PLD1: variants seen among roughly 807,000 people sequenced by gnomAD.
The protein encoded by PLD1 is phospholipase D1, also known as choline phosphatase 1.
A neutral mutation model predicts 137.1 loss-of-function variants in PLD1; 112 were observed. The observed-to-expected ratio is 0.82, with a 90% CI of 0.70 to 0.96. The LOEUF is 0.96. Among genes scored for constraint, PLD1 ranks in the 40% least tolerant of loss-of-function variants. PLD1 has a pLI of 0.00. For missense variants in PLD1, 1,321 were observed against 1,342.0 expected (o/e 0.98, Z 0.24); for synonymous variants, 431 against 454.7 (o/e 0.95, Z 0.66).
chr3:171,634,471 C>A (rs1234046052), intron 23 of PLD1, among the ~76,000 whole-genome samples: 1 of 151,952 alleles, frequency 6.6e-6, no homozygotes, highest in African/African-American at 2.4e-5. Flanking sequence ...TCATTTTAGG[C>A]CATTAGAAAA....
intron 9 of PLD1, 41 bp downstream of exon 9, chr3:171,713,852 C>T: frequency 6.5e-7 from 1 of 1,535,116 alleles, no homozygotes; most frequent in African/African-American, 1.4e-5. Context: ...GTTTTTAAGG[C>T]ATTTTTGTAG....
chr3:171,686,482 G>A (rs1410083883), intron 16 of PLD1, among the ~76,000 whole-genome samples: 1 of 152,112 alleles, frequency 6.6e-6, no homozygotes, highest in Non-Finnish European at 1.5e-5. Flanking sequence ...GGTCTGTTTT[G>A]TCTTTGCTGC....
At chr3:171,616,887 G>C (rs1392209) in intron 24 of PLD1, among the ~76,000 whole-genome samples, 11,904 of 152,144 alleles carry the variant, frequency 0.078, 1,324 homozygotes, top group African/African-American at 0.25. Flanking sequence ...ACGAACGCAC[G>C]AACTCTACCC....
intron 1 of PLD1, among the ~76,000 whole-genome samples, chr3:171,807,623 T>C (rs1474948324): frequency 6.6e-6 from 1 of 152,220 alleles, no homozygotes; most frequent in East Asian, 1.9e-4. Flanking sequence ...ACACTGTCGG[T>C]TGGAACGTAA....
chr3:171,715,464 T>C (rs57090061), intron 8 of PLD1, among the ~76,000 whole-genome samples: 1 of 151,818 alleles, frequency 6.6e-6, no homozygotes, highest in Admixed American at 6.6e-5. Flanking sequence ...GGTCTTTTGT[T>C]GTTTTATGTG....
chr3:171,652,907 G>T (rs750936591), intron 21 of PLD1, among the ~76,000 whole-genome samples: 5 of 150,768 alleles, frequency 3.3e-5, no homozygotes, highest in Non-Finnish European at 5.9e-5. Flanking sequence ...AAGCCACAGT[G>T]CCCAGCTCAT....
At chr3:171,611,256 G>T (rs992547542) in intron 25 of PLD1, among the ~76,000 whole-genome samples, 1 of 152,226 alleles carries the variant, frequency 6.6e-6, no homozygotes, top group Non-Finnish European at 1.5e-5. Flanking sequence ...TGGGAGAGTA[G>T]TCAGGGTGTT....
At chr3:171,771,554 CA>C (rs551038135) in intron 1 of PLD1, among the ~76,000 whole-genome samples, 50 of 152,334 alleles carry the variant, frequency 3.3e-4, no homozygotes, top group South Asian at 1.7e-3. Flanking sequence ...AACCATAACA[CA>C]AACTTAAACA....
chr3:171,693,081 G>A (rs544638061), intron 12 of PLD1, among the ~76,000 whole-genome samples: 1 of 152,272 alleles, frequency 6.6e-6, no homozygotes, highest in Admixed American at 6.5e-5. Flanking sequence ...GGATCTAAAA[G>A]AAAATAGACA....
At chr3:171,669,335 T>C (rs904814565) in intron 19 of PLD1, among the ~76,000 whole-genome samples, 1 of 152,214 alleles carries the variant, frequency 6.6e-6, no homozygotes, top group Non-Finnish European at 1.5e-5. Flanking sequence ...ATTTATGGCA[T>C]AAAAATTTCT....
In PLD1 at chr3:171,699,030, C is replaced by T. The variant is rs562519379; in HGVS notation, c.1227+715G>A. 5.4e-5 allele frequency among the ~76,000 whole-genome samples: 8 copies of T among 148,756 alleles called. No homozygotes were observed. The South Asian group carries it at 1.7e-3, about 32-fold the overall frequency. ...GTTTCTGATAATAGCAAAAAGTTAG[C>T]ACTTCCTAATTTGGACATGCTAAAT... On this transcript the variant is annotated intron_variant, in intron 12 of 26. Transcript: ENST00000351298.
At chr3:171,666,464 T>C (rs1156697540) in intron 19 of PLD1, among the ~76,000 whole-genome samples, 1 of 152,220 alleles carries the variant, frequency 6.6e-6, no homozygotes, top group South Asian at 2.1e-4. Flanking sequence ...ACTGGGTCCC[T>C]CCCATGACAT....
chr3:171,708,974 C>T, intron 10 of PLD1, 136 bp from the exon 11 acceptor site: 1 of 597,412 alleles, frequency 1.7e-6, no homozygotes, highest in South Asian at 2.2e-5. Context: ...CTTTGTGGAC[C>T]TGGAAAACAA....
intron 23 of PLD1, among the ~76,000 whole-genome samples, chr3:171,629,561 C>G (rs1734470637): frequency 6.6e-6 from 1 of 152,136 alleles, no homozygotes; most frequent in African/African-American, 2.4e-5. Context: ...CCAAGTCAAT[C>G]CTAAGCCAAA....
chr3:171,659,849 T>A (rs1237252359), intron 20 of PLD1, among the ~76,000 whole-genome samples: 15 of 152,220 alleles, frequency 9.9e-5, no homozygotes, highest in Admixed American at 9.8e-4. Context: ...TTAAGTAGCC[T>A]CAACTCTCTT....
chr3:171,807,054 T>C (rs920151460), intron 1 of PLD1, among the ~76,000 whole-genome samples: 3 of 152,186 alleles, frequency 2.0e-5, no homozygotes, highest in African/African-American at 7.2e-5. Context: ...ATGCCTGTAA[T>C]CCAGCACTTT....
At position 171,660,283 on chromosome 3, in the gene PLD1, G is replaced by A. The variant is rs139468223; in HGVS notation, c.2341-982C>T. Among the ~76,000 whole-genome samples, 136 of 152,242 alleles carry A rather than the reference G, an allele frequency of 8.9e-4. No homozygotes were observed. In the East Asian group the frequency reaches 0.025, roughly 27 times the overall value. ...AGAAGACAAACTTACAGGAAGACAC[G>A]GTGCAGAAAGTCTTTTGAGAATGTG... On this transcript the variant is annotated intron_variant, in intron 20 of 26. Coordinates refer to ENST00000351298, the MANE Select transcript of PLD1 (RefSeq NM_002662.5).
At chr3:171,644,852 A>C (rs1255615436) in intron 22 of PLD1, 58 bp downstream of exon 22, 1 of 971,148 alleles carries the variant, frequency 1.0e-6, no homozygotes, top group Non-Finnish European at 1.7e-6. Flanking sequence ...CATTCCCTTC[A>C]TCAGCTTACA....
At chr3:171,803,165 A>C (rs1723711108) in intron 1 of PLD1, among the ~76,000 whole-genome samples, 1 of 152,222 alleles carries the variant, frequency 6.6e-6, no homozygotes, top group Admixed American at 6.5e-5. Flanking sequence ...TTCTATCTCT[A>C]CAAAAGGAAG....
Sources: gnomAD v4.1 joint callset for allele counts (sites outside exome capture counted in the v4.1 genomes callset) on GRCh38, gnomAD v4.1.1 for gene constraint, MANE v1.5 for transcripts, NCBI Gene and HGNC (gene_info 2026-07-23, HGNC 2026-07-21) for gene names.